Variants in CNTNAP2 observed in about 807,000 individuals in gnomAD.
The protein encoded by CNTNAP2 is contactin associated protein 2.
In CNTNAP2, 98 loss-of-function variants were observed where a neutral mutation model predicts 155.2. The observed-to-expected ratio is 0.63, with a 90% CI of 0.54 to 0.75. CNTNAP2 has a LOEUF of 0.75. Among genes scored for constraint, CNTNAP2 ranks in the 30% least tolerant of loss-of-function variants. The pLI, the probability that CNTNAP2 is intolerant of heterozygous loss-of-function variation, is 0.00. For synonymous variants in CNTNAP2, 651 were observed against 631.2 expected, an observed-to-expected ratio of 1.03 and a Z score of -0.47; for missense variants, 1,727 against 1,688.1, an observed-to-expected ratio of 1.02 and a Z score of -0.40.
chr7:146,132,728 C>A (rs1408391198), intron 1 of CNTNAP2, among the ~76,000 whole-genome samples: 1 of 151,798 alleles, frequency 6.6e-6, no homozygotes, highest in Non-Finnish European at 1.5e-5. Context: ...CATGTCCCTA[C>A]AAAGGACATG....
At chr7:146,265,371 A>G (rs1237732614) in intron 1 of CNTNAP2, among the ~76,000 whole-genome samples, 2 of 152,186 alleles carry the variant, frequency 1.3e-5, no homozygotes, top group African/African-American at 4.8e-5. Flanking sequence ...AATTTATGTC[A>G]ACAGAGTTGG....
chr7:148,419,258 G>T lies in CNTNAP2; in HGVS notation c.*3642G>T, dbSNP rs1478946347. On this transcript the variant is annotated 3_prime_UTR_variant, in exon 24 of 24. Transcript: ENST00000361727. Reference sequence around the variant, plus strand: ...CTGTTGAGCAATTTTCCCAAAAAAAGGGCAGCAATTATTAAATTGAATTCA... The same window carrying T: ...CTGTTGAGCAATTTTCCCAAAAAAATGGCAGCAATTATTAAATTGAATTCA... The T allele has an allele frequency of 6.6e-6, 1 of 152,018 alleles. No homozygotes were observed. Among genetic ancestry groups the T allele is most frequent in the African/African-American group, 2.4e-5 (1 of 41,354 alleles). The allele number at this position is 152,018 out of a possible 1,614,324, so 9.4% of individuals were successfully genotyped here. A position where few individuals can be genotyped will look rare whatever the true frequency, so the allele number is the denominator to read the frequency against.
chr7:146,486,334 G>T (rs1797058789), intron 1 of CNTNAP2, among the ~76,000 whole-genome samples: 1 of 151,912 alleles, frequency 6.6e-6, no homozygotes, highest in South Asian at 2.1e-4. Context: ...AAAGTGCTGG[G>T]ATTACAGGCG....
intron 13 of CNTNAP2, among the ~76,000 whole-genome samples, chr7:147,817,146 TTAATGACATGGGAAAAA>T (rs1232871388): frequency 6.6e-6 from 1 of 151,948 alleles, no homozygotes; most frequent in East Asian, 1.9e-4. Flanking sequence ...CTGCCAAAAG[TTAATGACATGGGAAAAA>T]AGGAGAGGGG....
intron 4 of CNTNAP2, among the ~76,000 whole-genome samples, chr7:147,080,619 T>TTA (rs1400616671): frequency 6.9e-6 from 1 of 144,764 alleles, no homozygotes; most frequent in East Asian, 1.9e-4. Context: ...GCATAGAATT[T>TTA]TATATATATA....
chr7:146,337,420 T>C (rs1286146102), intron 1 of CNTNAP2, among the ~76,000 whole-genome samples: 1 of 152,128 alleles, frequency 6.6e-6, no homozygotes, highest in Non-Finnish European at 1.5e-5. Flanking sequence ...ATTCAAATCA[T>C]GTTTAATTAT....
intron 1 of CNTNAP2, among the ~76,000 whole-genome samples, chr7:146,273,016 G>A (rs1053333844): frequency 8.6e-5 from 13 of 151,700 alleles, no homozygotes; most frequent in African/African-American, 2.9e-4. Context: ...ATTACATTGG[G>A]CTGGGAGGGA....
intron 13 of CNTNAP2, among the ~76,000 whole-genome samples, chr7:147,797,025 T>C (rs1797907565): frequency 6.6e-6 from 1 of 152,154 alleles, no homozygotes; most frequent in Admixed American, 6.5e-5. Context: ...TCCAGAAATA[T>C]CTTAAAGTTT....
intron 1 of CNTNAP2, among the ~76,000 whole-genome samples, chr7:146,163,621 G>C (rs781465631): frequency 6.8e-6 from 1 of 147,136 alleles, no homozygotes; most frequent in Non-Finnish European, 1.5e-5. Flanking sequence ...GGTGACAGAC[G>C]CCTGTAATCC....
intron 15 of CNTNAP2, among the ~76,000 whole-genome samples, chr7:148,088,488 C>T (rs924965135): frequency 6.6e-6 from 1 of 151,720 alleles, no homozygotes; most frequent in Non-Finnish European, 1.5e-5. Flanking sequence ...GAGGAGACAT[C>T]ATAACCTATA....
intron 15 of CNTNAP2, among the ~76,000 whole-genome samples, chr7:148,062,472 C>T (rs1803176311): frequency 1.3e-5 from 2 of 152,060 alleles, no homozygotes. Context: ...AATTTCAGAA[C>T]TGATCATTTA....
intron 10 of CNTNAP2, among the ~76,000 whole-genome samples, chr7:147,456,108 C>T (rs1004238687): frequency 2.0e-5 from 3 of 152,090 alleles, no homozygotes; most frequent in South Asian, 2.1e-4. Flanking sequence ...ATATCTTCAT[C>T]AAAAGCCATT....
At chr7:147,413,565 A>T (rs1797139043) in intron 10 of CNTNAP2, among the ~76,000 whole-genome samples, 1 of 152,228 alleles carries the variant, frequency 6.6e-6, no homozygotes, top group Non-Finnish European at 1.5e-5. Context: ...GTGCAGAGAA[A>T]AAAAAATGTA....
intron 21 of CNTNAP2, among the ~76,000 whole-genome samples, chr7:148,349,300 T>C (rs901994623): frequency 1.3e-5 from 2 of 152,090 alleles, no homozygotes; most frequent in East Asian, 1.9e-4. Flanking sequence ...GTCCAACCTT[T>C]CGGCTTTCCT....
At position 146,251,261 on chromosome 7, in the gene CNTNAP2, A is replaced by AT. The variant is rs1366854510; in HGVS notation, c.97+134293dup. Among the ~76,000 whole-genome samples, 4 of 152,276 alleles carry AT rather than the reference A, an allele frequency of 2.6e-5. No individual in the cohort carries two copies. The South Asian group carries it at 8.3e-4, about 32-fold the overall frequency. ...TGAAACTTTAGCTTTTAAAAGGTTC[A>AT]TTTTTGTGGGTATAAATAAATTTTG... On this transcript the variant is annotated intron_variant, in intron 1 of 23. Transcript: ENST00000361727.
At chr7:146,890,144 G>A (rs2129211285) in intron 3 of CNTNAP2, among the ~76,000 whole-genome samples, 1 of 152,206 alleles carries the variant, frequency 6.6e-6, no homozygotes, top group East Asian at 1.9e-4. Context: ...GTGTCCCAAG[G>A]TCCTTCATAT....
intron 8 of CNTNAP2, among the ~76,000 whole-genome samples, chr7:147,179,427 A>T (rs1802412383): frequency 6.6e-6 from 1 of 152,208 alleles, no homozygotes; most frequent in African/African-American, 2.4e-5. Context: ...TGGAGGAAGA[A>T]AACTCCAGAC....
At chr7:146,298,331 T>C (rs113079448) in intron 1 of CNTNAP2, among the ~76,000 whole-genome samples, 3,331 of 152,260 alleles carry the variant, frequency 0.022, 144 homozygotes, top group African/African-American at 0.076. Context: ...TGCAGAAGGC[T>C]ACACATTCAA....
chr7:146,407,709 A>G (rs535206942), intron 1 of CNTNAP2, among the ~76,000 whole-genome samples: 28 of 152,236 alleles, frequency 1.8e-4, no homozygotes, highest in African/African-American at 6.5e-4. Context: ...TGAACATTGA[A>G]TATACAGTTG....
Sources: allele counts gnomAD v4.1 joint callset (sites outside exome capture counted in the v4.1 genomes callset), GRCh38; gene constraint gnomAD v4.1.1; transcripts MANE v1.5; gene names NCBI Gene and HGNC (gene_info 2026-07-23, HGNC 2026-07-21).